Variants in STAT5B observed in about 807,000 individuals in gnomAD.
STAT5B encodes the protein signal transducer and activator of transcription 5B, also known as transcription factor STAT5B.
STAT5B carries 21 observed loss-of-function variants against 107.8 expected under a neutral mutation model. That is an observed-to-expected ratio of 0.19 (90% CI 0.14 to 0.28). The LOEUF is 0.28. STAT5B is among the 10% of genes least tolerant of loss of function. STAT5B has a pLI of 1.00. For synonymous variants in STAT5B, 325 were observed against 401.7 expected (o/e 0.81, Z 2.28); for missense variants, 565 against 1,008.2 (o/e 0.56, Z 5.95).
chr17:42,222,035 GGTGT>G (rs1158382951), intron 5 of STAT5B, among the ~76,000 whole-genome samples: 4 of 142,758 alleles, frequency 2.8e-5, no homozygotes, highest in South Asian at 4.5e-4. Flanking sequence ...TGTGTGGTGT[GGTGT>G]GTGTGTGCTG....
chr17:42,262,970 GTATATATATATATATA>G (rs869160306), intron 1 of STAT5B, among the ~76,000 whole-genome samples: 33 of 20,946 alleles, frequency 1.6e-3, no homozygotes, highest in East Asian at 0.014. Context: ...GTGTGTGTGT[GTATATATATATATATA>G]TATATATATA....
At chr17:42,261,724 C>A (rs902559392) in intron 1 of STAT5B, among the ~76,000 whole-genome samples, 2 of 152,018 alleles carry the variant, frequency 1.3e-5, no homozygotes, top group African/African-American at 4.8e-5. Flanking sequence ...CCACGTCTAG[C>A]TAATTTTTGT....
chr17:42,218,142 C>T lies in STAT5B; in HGVS notation c.1169+9G>A. ...AGTAGCAGGGAATGAGAGGAAGCTG[C>T]ACAATTACTTGCGGGTGTTCTCGTT... On this transcript the variant is annotated intron_variant, in intron 9 of 18. Coordinates refer to ENST00000293328, the MANE Select transcript of STAT5B (RefSeq NM_012448.4). The T allele has an allele frequency of 6.2e-7, 1 of 1,613,486 alleles. No individual in the cohort carries two copies. Among genetic ancestry groups the T allele is most frequent in the Non-Finnish European group, 8.5e-7 (1 of 1,179,724 alleles).
intron 11 of STAT5B, 88 bp from the exon 12 acceptor site, chr17:42,216,194 T>G: frequency 8.5e-7 from 1 of 1,180,636 alleles, no homozygotes; most frequent in South Asian, 1.4e-5. Flanking sequence ...ATAACAACAC[T>G]TTTATTTTCC....
chr17:42,227,827 A>G, intron 2 of STAT5B, 142 bp from the exon 3 acceptor site: 1 of 749,856 alleles, frequency 1.3e-6, no homozygotes, highest in Non-Finnish European at 2.2e-6. Context: ...GCCCAACAGA[A>G]ATGGACTCAA....
At chr17:42,232,625 A>C (rs566338115) in intron 1 of STAT5B, among the ~76,000 whole-genome samples, 52 of 152,304 alleles carry the variant, frequency 3.4e-4, no homozygotes, top group African/African-American at 1.2e-3. Context: ...AAATGTTTTC[A>C]AAATGTAGAC....
At chr17:42,262,425 A>C (rs1193627030) in intron 1 of STAT5B, among the ~76,000 whole-genome samples, 1 of 152,142 alleles carries the variant, frequency 6.6e-6, no homozygotes, top group East Asian at 1.9e-4. Flanking sequence ...ATTTAATGTA[A>C]ATTTAATTAA....
chr17:42,202,166 A>G, intron 18 of STAT5B, 174 bp downstream of exon 18: 1 of 755,210 alleles, frequency 1.3e-6, no homozygotes, highest in South Asian at 1.8e-5. Context: ...ACTCTAAACC[A>G]CCAATCACTT....
At chr17:42,287,333 C>A in the STAT5B span, among the ~76,000 whole-genome samples, 1 of 150,600 alleles carries the variant, frequency 6.6e-6, no homozygotes, top group African/African-American at 2.5e-5. Flanking sequence ...AGAATGCACC[C>A]CCCCCAACAG....
chr17:42,231,569 TG>T (rs2080317924), intron 2 of STAT5B, among the ~76,000 whole-genome samples: 1 of 152,210 alleles, frequency 6.6e-6, no homozygotes, highest in South Asian at 2.1e-4. Context: ...CTTGAACTCC[TG>T]GGCTCAAGCA....
chr17:42,229,728 C>T lies in STAT5B; in HGVS notation c.129-2043G>A, dbSNP rs538112041. Among the ~76,000 whole-genome samples the T allele has an allele frequency of 7.3e-5, 11 of 151,540 alleles. No individual in the cohort carries two copies. In the East Asian group the frequency reaches 2.0e-3, roughly 27 times the overall value. Reference sequence around the variant, plus strand: ...TCTATTAAAAATACAAAAATTAGCTCGGTGTGGTGGCGGGCACCTGCAGTC... The same window carrying T: ...TCTATTAAAAATACAAAAATTAGCTTGGTGTGGTGGCGGGCACCTGCAGTC... On this transcript the variant is annotated intron_variant, in intron 2 of 18. Transcript: ENST00000293328.
At chr17:42,278,813 T>C (rs1419167302), upstream of STAT5B, among the ~76,000 whole-genome samples, 1 of 151,998 alleles carries the variant, frequency 6.6e-6, no homozygotes, top group Non-Finnish European at 1.5e-5. Flanking sequence ...ACCCTGTCTC[T>C]ACTAAAAATA....
chr17:42,210,307 T>TCA lies in STAT5B; in HGVS notation c.1776-8_1776-7dup, dbSNP rs765053192. The stretch of plus-strand genomic sequence containing the variant: ...TTACAAACCCCAAAATGGCCCTGGA[T>TCA]CACCAAGGACAAAGGACAGAAGCAG... On this transcript the variant is annotated splice_polypyrimidine_tract_variant and splice_region_variant and intron_variant, in intron 14 of 18. Coordinates refer to ENST00000293328, the MANE Select transcript of STAT5B (RefSeq NM_012448.4). 6.2e-7 allele frequency: 1 copy of TCA among 1,614,106 alleles called. No homozygotes were observed. The highest frequency in any genetic ancestry group is 8.5e-7 in the Non-Finnish European group (1 of 1,180,020).
At chr17:42,231,603 A>C (rs1054200276) in intron 2 of STAT5B, among the ~76,000 whole-genome samples, 1 of 152,202 alleles carries the variant, frequency 6.6e-6, no homozygotes, top group Non-Finnish European at 1.5e-5. Flanking sequence ...TGGCCTCCCA[A>C]AGTGTTGGGA....
At chr17:42,227,900 T>TA (rs1567664052) in intron 2 of STAT5B, among the ~76,000 whole-genome samples, 1 of 152,032 alleles carries the variant, frequency 6.6e-6, no homozygotes, top group African/African-American at 2.4e-5. Context: ...TTTCCTTCTT[T>TA]TAAAAAAAAA....
chr17:42,222,370 C>CT (rs928315663), intron 5 of STAT5B, among the ~76,000 whole-genome samples: 42 of 152,252 alleles, frequency 2.8e-4, no homozygotes, highest in Admixed American at 5.2e-4. Context: ...CTGAAGCTCT[C>CT]TGTGCCCCAA....
intron 1 of STAT5B, among the ~76,000 whole-genome samples, chr17:42,260,300 T>C (rs577804175): frequency 1.3e-5 from 2 of 152,306 alleles, no homozygotes; most frequent in South Asian, 2.1e-4. Context: ...TGGTGAAAAT[T>C]TGGTGGCTAA....
intron 12 of STAT5B, among the ~76,000 whole-genome samples, chr17:42,214,757 T>A (rs866916280): frequency 4.6e-5 from 7 of 152,214 alleles, no homozygotes; most frequent in African/African-American, 1.7e-4. Flanking sequence ...ACTAAAAAAA[T>A]TTTTTTCTTT....
chr17:42,201,713 A>G lies in STAT5B; in HGVS notation c.*25T>C, dbSNP rs752357162. The G allele has an allele frequency of 2.2e-6, 3 of 1,382,930 alleles. No homozygotes were observed. In the South Asian group the frequency reaches 3.5e-5, roughly 16 times the overall value. 85.7% of individuals were successfully genotyped at this position (1,382,930 alleles called of 1,614,324 possible). ...GTGATTCCTCTGGTGAAGATGAAGA[A>G]GCTGAAGATGGAGAGGTCGCGGGGT... On this transcript the variant is annotated 3_prime_UTR_variant, in exon 19 of 19. Coordinates refer to ENST00000293328, the MANE Select transcript of STAT5B (RefSeq NM_012448.4).
Sources: allele counts gnomAD v4.1 joint callset (sites outside exome capture counted in the v4.1 genomes callset), GRCh38; gene constraint gnomAD v4.1.1; transcripts MANE v1.5; gene names NCBI Gene and HGNC (gene_info 2026-07-23, HGNC 2026-07-21).